Variants in PDE1C observed in about 807,000 individuals in gnomAD.
The protein encoded by PDE1C is dual specificity calcium/calmodulin-dependent 3',5'-cyclic nucleotide phosphodiesterase 1C.
PDE1C carries 62 observed loss-of-function variants against 93.1 expected under a neutral mutation model. The observed-to-expected ratio is 0.67, with a 90% CI of 0.54 to 0.82. The LOEUF is 0.82. PDE1C is among the 40% of genes least tolerant of loss of function. The pLI is 0.00. For synonymous variants in PDE1C, 325 were observed against 310.1 expected (o/e 1.05, Z -0.50); for missense variants, 742 against 884.6 (o/e 0.84, Z 2.04).
chr7:32,196,091 T>C (rs1348568337), intron 2 of PDE1C, among the ~76,000 whole-genome samples: 1 of 152,104 alleles, frequency 6.6e-6, no homozygotes, highest in Non-Finnish European at 1.5e-5. Flanking sequence ...CCCCACATAT[T>C]CTCCACTGAC....
intron 1 of PDE1C, among the ~76,000 whole-genome samples, chr7:32,386,774 C>G (rs1345428595): frequency 6.6e-6 from 1 of 151,914 alleles, no homozygotes; most frequent in Non-Finnish European, 1.5e-5. Flanking sequence ...CCAAGCCCAA[C>G]CAGGCACACA....
rs368735340 is a variant in PDE1C at position 31,756,088 on chromosome 7, C to T, written c.1961-2535G>A. ...TCAGGAGGCTCAGGCAGGAGAATCG[C>T]TTGAACCTGGGAGGTGGAGGTTGCA... On this transcript the variant is annotated intron_variant, in intron 17 of 17. Coordinates refer to ENST00000396191, the MANE Select transcript of PDE1C (RefSeq NM_001191057.4). Among the ~76,000 whole-genome samples the T allele has an allele frequency of 5.6e-4, 85 of 152,192 alleles. No individual in the cohort carries two copies. The East Asian group carries it at 0.016, about 29-fold the overall frequency.
downstream of PDE1C, among the ~76,000 whole-genome samples, chr7:31,750,829 T>C (rs1024398464): frequency 6.6e-6 from 1 of 152,214 alleles, no homozygotes; most frequent in African/African-American, 2.4e-5. Flanking sequence ...CCTCCAAGGT[T>C]CACACCATTC....
At chr7:32,037,150 T>C (rs1791213473) in intron 2 of PDE1C, among the ~76,000 whole-genome samples, 1 of 152,214 alleles carries the variant, frequency 6.6e-6, no homozygotes, top group Non-Finnish European at 1.5e-5. Context: ...ATGGAAGTTG[T>C]AGGAGTCTTT....
In PDE1C at chr7:31,815,961, G is replaced by A; in HGVS notation, c.1776C>T (p.Ser592=). Residue 592 remains serine (S), a synonymous_variant, in exon 15 of 18, where the codon TCC becomes TCT. Coordinates refer to ENST00000396191, the MANE Select transcript of PDE1C (RefSeq NM_001191057.4). Reference sequence around the variant, plus strand: ...GTTCTCCTGATGACTTCTCGGCTTTGGAGTTTTTCCCACGAGGGTTGTCAC... The same window carrying A: ...GTTCTCCTGATGACTTCTCGGCTTTAGAGTTTTTCCCACGAGGGTTGTCAC... The part of the protein sequence containing the change: ...NKSDNPRGKN[S]KAEKSSGEQQ... 1 of 1,613,886 alleles carries A rather than the reference G, an allele frequency of 6.2e-7. No homozygotes were observed. Among genetic ancestry groups the A allele is most frequent in the East Asian group, 2.2e-5 (1 of 44,854 alleles).
At chr7:31,718,442 C>A in the PDE1C span, among the ~76,000 whole-genome samples, 19 of 152,052 alleles carry the variant, frequency 1.2e-4, no homozygotes, top group Admixed American at 6.5e-4. Flanking sequence ...CCTCTCTGGA[C>A]GTAAGAATTT....
chr7:32,423,896 C>CAA (rs140564478), intron 1 of PDE1C, among the ~76,000 whole-genome samples: 149 of 151,512 alleles, frequency 9.8e-4, no homozygotes, highest in African/African-American at 3.4e-3. Flanking sequence ...GATCATTAAC[C>CAA]AAAAAAAACA....
intron 2 of PDE1C, among the ~76,000 whole-genome samples, chr7:31,986,831 G>C (rs1373919636): frequency 1.3e-5 from 2 of 152,138 alleles, no homozygotes; most frequent in Non-Finnish European, 2.9e-5. Flanking sequence ...CCTGGTTTGT[G>C]ATAATTTGCT....
intron 3 of PDE1C, among the ~76,000 whole-genome samples, chr7:32,127,343 C>G (rs79471265): frequency 1.1e-4 from 17 of 151,874 alleles, no homozygotes; most frequent in Non-Finnish European, 1.9e-4. Flanking sequence ...TCTGGAGAAC[C>G]CTGACTAATA....
chr7:31,770,279 T>C (rs1795400117), intron 17 of PDE1C, among the ~76,000 whole-genome samples: 1 of 152,240 alleles, frequency 6.6e-6, no homozygotes, highest in Non-Finnish European at 1.5e-5. Flanking sequence ...TAAGGATTCT[T>C]TACATATTCT....
chr7:31,855,224 C>G (rs1214968281), intron 7 of PDE1C, among the ~76,000 whole-genome samples: 1 of 152,098 alleles, frequency 6.6e-6, no homozygotes, highest in Non-Finnish European at 1.5e-5. Flanking sequence ...GGGGGAAAAT[C>G]TGCTCCCAAG....
chr7:31,756,960 C>T (rs1284360593), intron 17 of PDE1C, among the ~76,000 whole-genome samples: 2 of 152,230 alleles, frequency 1.3e-5, no homozygotes, highest in African/African-American at 4.8e-5. Context: ...CCCATCTGTC[C>T]AATGCCTGAG....
the PDE1C span, among the ~76,000 whole-genome samples, chr7:31,740,385 T>A: frequency 6.6e-6 from 1 of 152,354 alleles, no homozygotes; most frequent in Middle Eastern, 3.4e-3. Context: ...TATAGATATC[T>A]AATTTATAAT....
the PDE1C span, among the ~76,000 whole-genome samples, chr7:31,704,980 T>TC: frequency 6.6e-6 from 1 of 152,170 alleles, no homozygotes; most frequent in South Asian, 2.1e-4. Flanking sequence ...TTAAGGCTCA[T>TC]CCTAAGCAAT....
At chr7:31,955,824 C>A (rs374309397) in intron 2 of PDE1C, among the ~76,000 whole-genome samples, 7 of 152,194 alleles carry the variant, frequency 4.6e-5, no homozygotes, top group African/African-American at 1.4e-4. Context: ...GCCAGTGCTA[C>A]GTCACTCTGG....
the PDE1C span, among the ~76,000 whole-genome samples, chr7:31,689,811 C>T: frequency 6.6e-6 from 1 of 152,118 alleles, no homozygotes; most frequent in Non-Finnish European, 1.5e-5. Context: ...ATCTTCTAAC[C>T]CCATGAGCAA....
chr7:31,776,486 CA>C (rs1373736408), intron 16 of PDE1C, among the ~76,000 whole-genome samples: 2 of 152,036 alleles, frequency 1.3e-5, no homozygotes, highest in Non-Finnish European at 2.9e-5. Context: ...AATGAAAAGT[CA>C]AACCCCAGGA....
intron 2 of PDE1C, among the ~76,000 whole-genome samples, chr7:31,998,185 A>G (rs10435125): frequency 0.5 from 75,443 of 151,464 alleles, 19,787 homozygotes; most frequent in South Asian, 0.71. Flanking sequence ...ATGCCCAGCT[A>G]ATTTTTTGTA....
chr7:31,726,210 A>T, the PDE1C span, among the ~76,000 whole-genome samples: 2 of 151,608 alleles, frequency 1.3e-5, no homozygotes, highest in Non-Finnish European at 2.9e-5. Flanking sequence ...TTAGGACTGC[A>T]GGTGTGCACC....
Sources: gnomAD v4.1 joint callset for allele counts (sites outside exome capture counted in the v4.1 genomes callset) on GRCh38, gnomAD v4.1.1 for gene constraint, MANE v1.5 for transcripts, NCBI Gene and HGNC (gene_info 2026-07-23, HGNC 2026-07-21) for gene names.